Variants in STK39 observed in about 807,000 individuals in gnomAD.
The protein encoded by STK39 is STE20/SPS1-related proline-alanine-rich protein kinase.
In STK39, 20 loss-of-function variants were observed where a neutral mutation model predicts 77.8. The ratio of observed to expected loss-of-function variants is 0.26; its 90% CI spans 0.18 to 0.37. The LOEUF (loss-of-function observed/expected upper bound fraction) is 0.37, where lower values mean the gene tolerates loss of function less well. Ranked by LOEUF, STK39 falls within the 10% of genes least tolerant of loss-of-function variation. STK39 has a pLI of 1.00. For missense variants in STK39, 479 were observed against 656.5 expected (o/e 0.73, Z 2.95); for synonymous variants, 246 against 234.1 (o/e 1.05, Z -0.47).
chr2:168,214,035 C>A (rs951629319), intron 1 of STK39, among the ~76,000 whole-genome samples: 2 of 152,040 alleles, frequency 1.3e-5, no homozygotes, highest in Non-Finnish European at 2.9e-5. Flanking sequence ...AAATCGCCCA[C>A]GTGAAGACCT....
At chr2:168,247,204 C>T in intron 1 of STK39, 24 bp downstream of exon 1, 4 of 1,191,024 alleles carry the variant, frequency 3.4e-6, no homozygotes, top group East Asian at 8.1e-5. Flanking sequence ...CCTGTGCCGG[C>T]CCCGCCGCGC....
chr2:168,242,560 A>AAATAT (rs1296747890), intron 1 of STK39, among the ~76,000 whole-genome samples: 21 of 44,854 alleles, frequency 4.7e-4, no homozygotes, highest in South Asian at 4.4e-3. Context: ...AAAAAAAAAA[A>AAATAT]ATATATATAT....
At chr2:168,236,753 G>A (rs923990878) in intron 1 of STK39, among the ~76,000 whole-genome samples, 4 of 152,134 alleles carry the variant, frequency 2.6e-5, no homozygotes, top group African/African-American at 9.7e-5. Context: ...AAGATCAGAT[G>A]GTTGTAGATA....
intron 5 of STK39, among the ~76,000 whole-genome samples, chr2:168,161,249 A>C (rs1688564181): frequency 6.6e-6 from 1 of 152,192 alleles, no homozygotes; most frequent in African/African-American, 2.4e-5. Context: ...GGCTTTGAAC[A>C]CGAAAGGTGC....
intron 1 of STK39, among the ~76,000 whole-genome samples, chr2:168,220,950 C>T (rs1027161193): frequency 5.3e-5 from 8 of 152,096 alleles, no homozygotes; most frequent in Admixed American, 4.6e-4. Context: ...GCTTCGAATG[C>T]TGATCTAGGA....
intron 1 of STK39, among the ~76,000 whole-genome samples, chr2:168,197,420 T>C (rs1689498848): frequency 6.6e-6 from 1 of 152,162 alleles, no homozygotes; most frequent in South Asian, 2.1e-4. Flanking sequence ...ATGCTCCAGA[T>C]GTCAATTTGA....
chr2:168,227,792 A>G (rs1829226), intron 1 of STK39, among the ~76,000 whole-genome samples: 58,100 of 151,748 alleles, frequency 0.38, 11,992 homozygotes, highest in Non-Finnish European at 0.48. Context: ...CGAGTAGCTG[A>G]GACTACAGGC....
chr2:168,121,383 T>C (rs1687401419), intron 10 of STK39, among the ~76,000 whole-genome samples: 1 of 152,204 alleles, frequency 6.6e-6, no homozygotes, highest in African/African-American at 2.4e-5. Context: ...TGTGTTTGTA[T>C]TTAATTCTCA....
chr2:167,964,435 G>A, intron 17 of STK39: 1 of 471,102 alleles, frequency 2.1e-6, no homozygotes, highest in Non-Finnish European at 3.7e-6. Flanking sequence ...CTTAGTCAAA[G>A]GTGTGACGAT....
chr2:168,009,593 A>G (rs965901101), intron 16 of STK39, among the ~76,000 whole-genome samples: 9 of 152,202 alleles, frequency 5.9e-5, no homozygotes, highest in Admixed American at 3.3e-4. Flanking sequence ...TCTACAACAT[A>G]GTGATTAAAA....
At chr2:168,144,276 G>T (rs1688073897) in intron 5 of STK39, among the ~76,000 whole-genome samples, 1 of 151,880 alleles carries the variant, frequency 6.6e-6, no homozygotes, top group African/African-American at 2.4e-5. Context: ...GGGCCTTATT[G>T]GGCTTCTTAT....
chr2:168,030,863 T>C (rs540296993), intron 14 of STK39, among the ~76,000 whole-genome samples: 11 of 152,344 alleles, frequency 7.2e-5, no homozygotes, highest in South Asian at 6.2e-4. Flanking sequence ...GAAAGTAACA[T>C]TGTTCCTAGG....
At chr2:168,094,768 T>C (rs1686616956) in intron 10 of STK39, among the ~76,000 whole-genome samples, 3 of 152,144 alleles carry the variant, frequency 2.0e-5, no homozygotes, top group African/African-American at 7.2e-5. Context: ...TCTTATTACA[T>C]GGCTTCCACA....
At chr2:168,011,845 C>A (rs1474772811) in intron 16 of STK39, among the ~76,000 whole-genome samples, 1 of 152,166 alleles carries the variant, frequency 6.6e-6, no homozygotes, top group East Asian at 1.9e-4. Flanking sequence ...GAATTCATTT[C>A]CTTATCTATA....
chr2:167,995,099 A>T (rs13398471), intron 16 of STK39, among the ~76,000 whole-genome samples: 30,712 of 85,902 alleles, frequency 0.36, 4,128 homozygotes, highest in African/African-American at 0.51. Flanking sequence ...TTATATATAT[A>T]TTTTTCTTTT....
At chr2:168,167,260 A>G (rs1688714517) in intron 3 of STK39, 39 bp downstream of exon 3, 1 of 1,551,580 alleles carries the variant, frequency 6.4e-7, no homozygotes, top group Non-Finnish European at 8.9e-7. Context: ...AAAAGGAGAG[A>G]AAACAAGCAA....
At chr2:168,216,793 C>T (rs755779168) in intron 1 of STK39, among the ~76,000 whole-genome samples, 5 of 152,322 alleles carry the variant, frequency 3.3e-5, no homozygotes, top group Middle Eastern at 3.4e-3. Context: ...TGAACAGCAG[C>T]GGACTTTCAT....
intron 12 of STK39, among the ~76,000 whole-genome samples, chr2:168,067,537 G>A (rs973582861): frequency 1.3e-5 from 2 of 152,128 alleles, no homozygotes; most frequent in Non-Finnish European, 2.9e-5. Context: ...GCAGAACCGT[G>A]AGTCAATTAT....
At chr2:167,990,104 A>G (rs1042163278) in intron 16 of STK39, among the ~76,000 whole-genome samples, 2 of 152,220 alleles carry the variant, frequency 1.3e-5, no homozygotes, top group Non-Finnish European at 2.9e-5. Context: ...AAGGTGAGAA[A>G]GAAGTTCATG....
Sources: allele counts gnomAD v4.1 joint callset (sites outside exome capture counted in the v4.1 genomes callset), GRCh38; gene constraint gnomAD v4.1.1; transcripts MANE v1.5; gene names NCBI Gene and HGNC (gene_info 2026-07-23, HGNC 2026-07-21).